The following SBNO1 variants were observed in gnomAD, a reference collection of about 807,000 sequenced individuals.
SBNO1 encodes strawberry notch homolog 1.
SBNO1 carries 23 observed loss-of-function variants against 173.6 expected under a neutral mutation model. That is an observed-to-expected ratio of 0.13 (90% CI 0.10 to 0.19). The LOEUF (loss-of-function observed/expected upper bound fraction) is 0.19. Ranked by LOEUF, SBNO1 falls within the 10% of genes least tolerant of loss-of-function variation. SBNO1 has a pLI of 1.00. For synonymous variants in SBNO1, 632 were observed against 571.5 expected, an observed-to-expected ratio of 1.11 and a Z score of -1.51; for missense variants, 1,238 against 1,671.2, an observed-to-expected ratio of 0.74 and a Z score of 4.52.
intron 1 of SBNO1, among the ~76,000 whole-genome samples, chr12:123,362,862 G>A (rs1227379646): frequency 1.3e-5 from 2 of 150,516 alleles, no homozygotes; most frequent in African/African-American, 4.9e-5. Context: ...GAGGCCAGAA[G>A]ATTGCTTGAG....
chr12:123,329,834 A>G (rs1051271165), intron 9 of SBNO1, among the ~76,000 whole-genome samples: 1 of 152,204 alleles, frequency 6.6e-6, no homozygotes. Context: ...TTTTAACCTT[A>G]TAGCACCAAC....
At chr12:123,342,151 T>C (rs1872643088) in intron 4 of SBNO1, among the ~76,000 whole-genome samples, 1 of 152,074 alleles carries the variant, frequency 6.6e-6, no homozygotes, top group Non-Finnish European at 1.5e-5. Context: ...CTTGGGAGGC[T>C]GAGGCAGAGA....
intron 17 of SBNO1, 31 bp from the exon 18 acceptor site, chr12:123,320,897 C>T (rs756735874): frequency 1.4e-6 from 2 of 1,471,734 alleles, no homozygotes; most frequent in South Asian, 2.6e-5. Context: ...CATGTCAAAT[C>T]ATTTGTTAAA....
intron 1 of SBNO1, among the ~76,000 whole-genome samples, chr12:123,357,837 AC>A (rs781584172): frequency 6.6e-6 from 1 of 152,184 alleles, no homozygotes; most frequent in Non-Finnish European, 1.5e-5. Flanking sequence ...TGGTAAAGTA[AC>A]CCCCACTGCA....
chr12:123,349,668 G>C (rs1291255675), intron 2 of SBNO1, among the ~76,000 whole-genome samples: 1 of 152,144 alleles, frequency 6.6e-6, no homozygotes, highest in Admixed American at 6.5e-5. Context: ...TATAACCCCA[G>C]CACTTTGGGA....
chr12:123,298,287 A>G (rs1237842442), intron 30 of SBNO1, 116 bp from the exon 31 acceptor site: 11 of 1,096,466 alleles, frequency 1.0e-5, no homozygotes, highest in East Asian at 2.8e-5. Context: ...TTTTGTTGAG[A>G]TGGAGTTTTG....
At chr12:123,317,095 C>T in intron 21 of SBNO1, 126 bp downstream of exon 21, 2 of 951,546 alleles carry the variant, frequency 2.1e-6, no homozygotes, top group Non-Finnish European at 3.2e-6. Flanking sequence ...ACAGTGGCCT[C>T]CCGAAATGTT....
chr12:123,299,870 A>T (rs1236513686), intron 30 of SBNO1, among the ~76,000 whole-genome samples: 2 of 152,006 alleles, frequency 1.3e-5, no homozygotes, highest in African/African-American at 4.8e-5. Context: ...TCCTGCCATG[A>T]AAAAACAAGC....
chr12:123,344,979 T>G (rs368557240), intron 4 of SBNO1, among the ~76,000 whole-genome samples: 1 of 152,320 alleles, frequency 6.6e-6, no homozygotes. Context: ...AAGAAAAATG[T>G]TAACTGACTA....
At chr12:123,349,287 A>C (rs1873604145) in intron 2 of SBNO1, among the ~76,000 whole-genome samples, 1 of 152,026 alleles carries the variant, frequency 6.6e-6, no homozygotes, top group African/African-American at 2.4e-5. Flanking sequence ...CTTTTTGTAG[A>C]GACAAGGTCT....
At chr12:123,345,206 C>T in intron 4 of SBNO1, 52 bp downstream of exon 4, 1 of 1,449,990 alleles carries the variant, frequency 6.9e-7, no homozygotes, top group Non-Finnish European at 9.5e-7. Flanking sequence ...AAAAAACATG[C>T]TGACATAGCT....
chr12:123,298,599 A>G (rs1593317675), intron 30 of SBNO1, among the ~76,000 whole-genome samples: 2 of 152,182 alleles, frequency 1.3e-5, no homozygotes, highest in South Asian at 4.1e-4. Context: ...TGCCTTTACT[A>G]TTTCTTAGAT....
chr12:123,342,692 C>T (rs1190164420), intron 4 of SBNO1, among the ~76,000 whole-genome samples: 1 of 152,176 alleles, frequency 6.6e-6, no homozygotes. Flanking sequence ...TCAGAATCCA[C>T]TTATCAATCA....
intron 1 of SBNO1, among the ~76,000 whole-genome samples, chr12:123,354,022 A>G (rs956450167): frequency 9.2e-5 from 14 of 152,226 alleles, no homozygotes; most frequent in African/African-American, 3.4e-4. Flanking sequence ...AATCAATGAA[A>G]TGCATATTCA....
chr12:123,364,649 C>G (rs1875928701), intron 1 of SBNO1, 52 bp downstream of exon 1: 20 of 982,476 alleles, frequency 2.0e-5, no homozygotes, highest in Non-Finnish European at 2.4e-5. Flanking sequence ...GAGTGGGAGG[C>G]TGTCCGGGAG....
In SBNO1 at chr12:123,352,997, C is replaced by T. The variant is rs529452018; in HGVS notation, c.1-2556G>A. Among the ~76,000 whole-genome samples the T allele has an allele frequency of 1.1e-4, 16 of 151,972 alleles. No individual in the cohort carries two copies. In the South Asian group the frequency reaches 2.1e-3, roughly 20 times the overall value. On this transcript the variant is annotated intron_variant, in intron 1 of 31. Coordinates refer to ENST00000602398, the MANE Select transcript of SBNO1 (RefSeq NM_001167856.3). ...TATTTTAGTAGAGATGGGGTTTCAC[C>T]GTATTGCCCAGGCTGGTCTCAAACT...
At chr12:123,302,730 G>A in intron 30 of SBNO1, 94 bp downstream of exon 30, 1 of 810,362 alleles carries the variant, frequency 1.2e-6, no homozygotes, top group Non-Finnish European at 2.2e-6. Context: ...TAATCTGTTA[G>A]TTAATTCATG....
chr12:123,301,131 C>T (rs2048778626), intron 30 of SBNO1, among the ~76,000 whole-genome samples: 2 of 151,958 alleles, frequency 1.3e-5, no homozygotes, highest in East Asian at 1.9e-4. Flanking sequence ...CCTCAGCCTC[C>T]CAAGTAGCTG....
At chr12:123,311,724 A>ATCTC (rs1354447042) in intron 24 of SBNO1, among the ~76,000 whole-genome samples, 1 of 62,954 alleles carries the variant, frequency 1.6e-5, no homozygotes, top group African/African-American at 5.9e-5. Flanking sequence ...ATCTATCTAT[A>ATCTC]TATATATATA....
Sources: gnomAD v4.1 joint callset for allele counts (sites outside exome capture counted in the v4.1 genomes callset) on GRCh38, gnomAD v4.1.1 for gene constraint, MANE v1.5 for transcripts, NCBI Gene and HGNC (gene_info 2026-07-23, HGNC 2026-07-21) for gene names.